The following MACROD2 variants were observed in gnomAD, a reference collection of about 807,000 sequenced individuals.
The protein encoded by MACROD2 is ADP-ribose glycohydrolase MACROD2.
A neutral mutation model predicts 70.4 loss-of-function variants in MACROD2; 36 were observed. The observed-to-expected ratio is 0.51, with a 90% CI of 0.39 to 0.68. MACROD2 has a LOEUF of 0.68. Ranked by LOEUF, MACROD2 falls within the 30% of genes least tolerant of loss-of-function variation. The pLI, the probability that MACROD2 is intolerant of heterozygous loss-of-function variation, is 0.00. For missense variants in MACROD2, 496 were observed against 538.4 expected, an observed-to-expected ratio of 0.92 and a Z score of 0.78; for synonymous variants, 172 against 178.8, an observed-to-expected ratio of 0.96 and a Z score of 0.30.
chr20:14,313,326 A>G (rs2082582878), intron 3 of MACROD2, among the ~76,000 whole-genome samples: 1 of 152,020 alleles, frequency 6.6e-6, no homozygotes, highest in African/African-American at 2.4e-5. Flanking sequence ...AATATTCCAC[A>G]TTTGTTCTGT....
intron 6 of MACROD2, among the ~76,000 whole-genome samples, chr20:15,328,155 G>GT (rs1484280978): frequency 1.3e-5 from 2 of 151,972 alleles, no homozygotes; most frequent in Non-Finnish European, 2.9e-5. Context: ...CATTAGGAAG[G>GT]TAATAGTTAG....
intron 5 of MACROD2, among the ~76,000 whole-genome samples, chr20:15,114,282 C>G (rs1317960176): frequency 2.6e-5 from 4 of 152,278 alleles, no homozygotes; most frequent in African/African-American, 4.8e-5. Flanking sequence ...GGGCAAAACC[C>G]ATGACTTGCT....
chr20:15,821,663 C>T (rs923555101), intron 8 of MACROD2, among the ~76,000 whole-genome samples: 13 of 152,114 alleles, frequency 8.5e-5, no homozygotes, highest in African/African-American at 1.4e-4. Flanking sequence ...ACCATGTACA[C>T]GCATCTTTCT....
chr20:15,564,316 G>A (rs2048283543), intron 8 of MACROD2, among the ~76,000 whole-genome samples: 2 of 152,150 alleles, frequency 1.3e-5, no homozygotes, highest in Non-Finnish European at 2.9e-5. Flanking sequence ...ACAGCAAAAT[G>A]TCTGCAGGTC....
intron 8 of MACROD2, among the ~76,000 whole-genome samples, chr20:15,819,017 A>G (rs1238451964): frequency 6.6e-6 from 1 of 152,048 alleles, no homozygotes; most frequent in African/African-American, 2.4e-5. Context: ...AAGCTCTTTG[A>G]TACCATGTGA....
intron 6 of MACROD2, among the ~76,000 whole-genome samples, chr20:15,378,126 A>T (rs2045587757): frequency 6.6e-6 from 1 of 151,620 alleles, no homozygotes; most frequent in Non-Finnish European, 1.5e-5. Context: ...TGTATCCCAG[A>T]ACTTAAGCTA....
At chr20:14,970,750 A>G (rs1027339457) in intron 5 of MACROD2, among the ~76,000 whole-genome samples, 2 of 152,112 alleles carry the variant, frequency 1.3e-5, no homozygotes, top group Admixed American at 1.3e-4. Flanking sequence ...TCTTGGGCTC[A>G]AACGATCCTC....
At chr20:14,706,357 TGA>T (rs1310108492) in intron 5 of MACROD2, among the ~76,000 whole-genome samples, 1 of 151,574 alleles carries the variant, frequency 6.6e-6, no homozygotes, top group Admixed American at 6.6e-5. Flanking sequence ...TGAGTGAAAC[TGA>T]GAGTTTATGG....
At chr20:15,660,185 C>A (rs1040427685) in intron 8 of MACROD2, among the ~76,000 whole-genome samples, 16 of 152,020 alleles carry the variant, frequency 1.1e-4, no homozygotes, top group African/African-American at 3.9e-4. Context: ...GGCAAGCTAC[C>A]AAAGTGATGT....
At chr20:14,393,435 G>T (rs550070055) in intron 3 of MACROD2, among the ~76,000 whole-genome samples, 1 of 152,192 alleles carries the variant, frequency 6.6e-6, no homozygotes, top group South Asian at 2.1e-4. Context: ...AATATATTCT[G>T]TCTTCCTTAG....
At chr20:14,924,337 G>C (rs2074202295) in intron 5 of MACROD2, among the ~76,000 whole-genome samples, 1 of 152,010 alleles carries the variant, frequency 6.6e-6, no homozygotes. Flanking sequence ...TACTGGGAAG[G>C]ATGAGGCATA....
chr20:14,442,588 A>G (rs2084135959), intron 3 of MACROD2, among the ~76,000 whole-genome samples: 1 of 152,006 alleles, frequency 6.6e-6, no homozygotes, highest in Admixed American at 6.6e-5. Context: ...CTTTCATGAA[A>G]TGGGAATTAA....
intron 3 of MACROD2, among the ~76,000 whole-genome samples, chr20:14,157,639 T>C (rs1286120464): frequency 1.3e-5 from 2 of 152,172 alleles, no homozygotes; most frequent in African/African-American, 4.8e-5. Flanking sequence ...GTTCATGAGA[T>C]AAATTTTTTA....
At position 14,684,882 on chromosome 20, in the gene MACROD2, T is replaced by A. The variant is rs759312353; in HGVS notation, c.341T>A (p.Leu114Gln). 1.2e-6 allele frequency: 2 copies of A among 1,614,060 alleles called. No individual in the cohort carries two copies. The highest frequency in any genetic ancestry group is 8.5e-7 in the Non-Finnish European group (1 of 1,179,924). Residue 114 changes from leucine (L) to glutamine (Q), a missense_variant, in exon 5 of 18, where the codon CTA (leucine) becomes CAA (glutamine). By Grantham distance (113) the Leu-to-Gln change is moderately radical. Coordinates refer to ENST00000684519, the MANE Select transcript of MACROD2 (RefSeq NM_001351661.2). ...CATAGAGCAGCCGGCCCCTGTTTGC[T>A]AGCTGAATGTCGTAACCTGAATGGC... ...CIHRAAGPCL[L>Q]AECRNLNGCD...
intron 4 of MACROD2, among the ~76,000 whole-genome samples, chr20:14,676,658 TA>T (rs1232227716): frequency 1.3e-5 from 2 of 152,022 alleles, no homozygotes; most frequent in Non-Finnish European, 2.9e-5. Flanking sequence ...ATAAAAGTAC[TA>T]GAGAAGTAAG....
chr20:15,244,707 T>A (rs1389165557), intron 6 of MACROD2, among the ~76,000 whole-genome samples: 1 of 152,250 alleles, frequency 6.6e-6, no homozygotes, highest in East Asian at 1.9e-4. Context: ...TGATTTTATT[T>A]TGATATTAAG....
At chr20:14,861,325 A>G (rs1251181049) in intron 5 of MACROD2, among the ~76,000 whole-genome samples, 1 of 152,008 alleles carries the variant, frequency 6.6e-6, no homozygotes, top group Non-Finnish European at 1.5e-5. Context: ...AGTCTTGTCT[A>G]CTCATTGGAA....
At chr20:15,220,764 GA>G in intron 5 of MACROD2, among the ~76,000 whole-genome samples, 1 of 149,570 alleles carries the variant, frequency 6.7e-6, no homozygotes, top group Non-Finnish European at 1.5e-5. Flanking sequence ...AATTTTCAGA[GA>G]AAAAAATGGG....
At chr20:15,613,088 G>C (rs1157433976) in intron 8 of MACROD2, among the ~76,000 whole-genome samples, 1 of 152,208 alleles carries the variant, frequency 6.6e-6, no homozygotes, top group African/African-American at 2.4e-5. Flanking sequence ...AAATGAATAT[G>C]TTAAGAGAAT....
Sources: gnomAD v4.1 joint callset for allele counts (sites outside exome capture counted in the v4.1 genomes callset) on GRCh38, gnomAD v4.1.1 for gene constraint, MANE v1.5 for transcripts, NCBI Gene and HGNC (gene_info 2026-07-23, HGNC 2026-07-21) for gene names.